Variants in GMDS observed in about 807,000 individuals in gnomAD.
GMDS encodes GDP-mannose 4,6 dehydratase.
A neutral mutation model predicts 49.9 loss-of-function variants in GMDS; 20 were observed. That is an observed-to-expected ratio of 0.40 (90% CI 0.28 to 0.58). The LOEUF is 0.58. Ranked by LOEUF, GMDS falls within the 20% of genes least tolerant of loss-of-function variation. The pLI is 0.42. For synonymous variants in GMDS, 177 were observed against 178.6 expected (o/e 0.99, Z 0.07); for missense variants, 362 against 481.4 (o/e 0.75, Z 2.32).
chr6:1,794,251 C>T (rs191836817), intron 7 of GMDS, among the ~76,000 whole-genome samples: 11 of 152,080 alleles, frequency 7.2e-5, no homozygotes, highest in African/African-American at 2.4e-4. Context: ...ATCCCATTTA[C>T]GTATGTCTAC....
At chr6:2,027,977 T>C (rs1350948751) in intron 4 of GMDS, among the ~76,000 whole-genome samples, 2 of 152,148 alleles carry the variant, frequency 1.3e-5, no homozygotes, top group African/African-American at 2.4e-5. Context: ...TATAGTTCTT[T>C]GAACAAAGGT....
At chr6:1,629,297 C>T (rs1254614181) in intron 9 of GMDS, among the ~76,000 whole-genome samples, 1 of 152,208 alleles carries the variant, frequency 6.6e-6, no homozygotes, top group Admixed American at 6.5e-5. Flanking sequence ...CGGTAATGAA[C>T]ATTTCCCCTC....
chr6:1,850,585 G>T (rs1007061651), intron 7 of GMDS, among the ~76,000 whole-genome samples: 1 of 151,886 alleles, frequency 6.6e-6, no homozygotes, highest in Non-Finnish European at 1.5e-5. Flanking sequence ...AGAAACATGA[G>T]ATTAAAAAAA....
chr6:1,756,465 TTTCAC>T (rs1286772871), intron 7 of GMDS, among the ~76,000 whole-genome samples: 60 of 152,294 alleles, frequency 3.9e-4, no homozygotes, highest in African/African-American at 1.4e-3. Flanking sequence ...GGAGAGAGGG[TTTCAC>T]CATGTTGGTC....
At chr6:1,629,998 A>G (rs1762951830) in intron 9 of GMDS, among the ~76,000 whole-genome samples, 1 of 152,206 alleles carries the variant, frequency 6.6e-6, no homozygotes, top group African/African-American at 2.4e-5. Flanking sequence ...AAAAAAAGTT[A>G]CAGGTGTTCA....
chr6:1,933,102 T>C (rs1204909698), intron 6 of GMDS, among the ~76,000 whole-genome samples: 1 of 152,218 alleles, frequency 6.6e-6, no homozygotes, highest in Non-Finnish European at 1.5e-5. Context: ...TTGCCTATTC[T>C]GGACACTTCC....
intron 6 of GMDS, among the ~76,000 whole-genome samples, chr6:1,955,493 T>C (rs1227860899): frequency 6.6e-6 from 1 of 152,202 alleles, no homozygotes; most frequent in Non-Finnish European, 1.5e-5. Flanking sequence ...TTATTCTTAT[T>C]AATTTGTAGT....
intron 9 of GMDS, among the ~76,000 whole-genome samples, chr6:1,646,835 A>G (rs1056971961): frequency 6.6e-5 from 10 of 152,160 alleles, no homozygotes; most frequent in African/African-American, 2.4e-4. Context: ...AACTCCCTGA[A>G]GAGGAATTCA....
At chr6:1,971,970 C>T (rs1764636791) in intron 4 of GMDS, among the ~76,000 whole-genome samples, 1 of 152,174 alleles carries the variant, frequency 6.6e-6, no homozygotes, top group Non-Finnish European at 1.5e-5. Context: ...AGTCTGCCAG[C>T]TCTTCTGACT....
chr6:2,120,622 G>A (rs181962340), intron 2 of GMDS, among the ~76,000 whole-genome samples: 1 of 152,222 alleles, frequency 6.6e-6, no homozygotes, highest in Non-Finnish European at 1.5e-5. Flanking sequence ...CTTTTAAAGG[G>A]TTCAACATTG....
rs549435883 is a variant in GMDS at position 1,878,177 on chromosome 6, T to C, written c.771+51926A>G. On this transcript the variant is annotated intron_variant, in intron 7 of 10. Coordinates refer to ENST00000380815, the MANE Select transcript of GMDS (RefSeq NM_001500.4). The stretch of plus-strand genomic sequence containing the variant: ...AAATACACAAAAAATTAGCCAGGCG[T>C]GGTGGCGGGCACCTGTAGTCCCAGC... Among the ~76,000 whole-genome samples the C allele has an allele frequency of 4.8e-4, 73 of 151,994 alleles. 1 individual carries two copies. In the South Asian group the frequency reaches 0.015, roughly 30 times the overall value.
chr6:1,735,966 T>C (rs1425506899), intron 8 of GMDS, among the ~76,000 whole-genome samples: 3 of 152,216 alleles, frequency 2.0e-5, no homozygotes, highest in Non-Finnish European at 4.4e-5. Flanking sequence ...AACACATTTA[T>C]AGAGCACCTA....
At chr6:1,916,132 G>A (rs1390760750) in intron 7 of GMDS, among the ~76,000 whole-genome samples, 1 of 152,206 alleles carries the variant, frequency 6.6e-6, no homozygotes, top group Non-Finnish European at 1.5e-5. Flanking sequence ...TGGTTTTTAC[G>A]TAGTTTAGCC....
chr6:2,146,958 T>C (rs943040867), intron 1 of GMDS, among the ~76,000 whole-genome samples: 8 of 152,192 alleles, frequency 5.3e-5, no homozygotes, highest in African/African-American at 1.9e-4. Context: ...GAAAGTGATA[T>C]TATTCTTGGT....
intron 9 of GMDS, among the ~76,000 whole-genome samples, chr6:1,713,738 G>C (rs1035182196): frequency 6.6e-6 from 1 of 152,238 alleles, no homozygotes; most frequent in South Asian, 2.1e-4. Context: ...AGGAAAATCA[G>C]CAACTGTTTT....
intron 9 of GMDS, among the ~76,000 whole-genome samples, chr6:1,651,317 A>T (rs1404849903): frequency 6.6e-6 from 1 of 152,196 alleles, no homozygotes; most frequent in African/African-American, 2.4e-5. Context: ...GCAGCCTGGC[A>T]TGGCTCACTA....
intron 4 of GMDS, among the ~76,000 whole-genome samples, chr6:2,113,721 TCACCCC>T (rs1774685613): frequency 6.6e-6 from 1 of 152,034 alleles, no homozygotes; most frequent in Admixed American, 6.6e-5. Context: ...CTTGTGCCAA[TCACCCC>T]TCCTAGAGTT....
chr6:1,643,648 C>T lies in GMDS; in HGVS notation c.988-19108G>A, dbSNP rs543651176. Among the ~76,000 whole-genome samples the T allele has an allele frequency of 9.2e-5, 14 of 152,008 alleles. No individual in the cohort carries two copies. In the South Asian group the frequency reaches 1.5e-3, roughly 16 times the overall value. On this transcript the variant is annotated intron_variant, in intron 9 of 10. Transcript: ENST00000380815. Reference sequence around the variant, plus strand: ...GGTGGAGAGGTGACCACCTGGGCCACGGTGGGGGGGACACTGGGGACTGCT... The same window carrying T: ...GGTGGAGAGGTGACCACCTGGGCCATGGTGGGGGGGACACTGGGGACTGCT...
At chr6:2,122,952 G>A (rs1031006178) in intron 2 of GMDS, among the ~76,000 whole-genome samples, 4 of 152,032 alleles carry the variant, frequency 2.6e-5, no homozygotes, top group African/African-American at 9.7e-5. Flanking sequence ...TTGTCTTTTT[G>A]TGTCATAATA....
Sources: allele counts gnomAD v4.1 joint callset (sites outside exome capture counted in the v4.1 genomes callset), GRCh38; gene constraint gnomAD v4.1.1; transcripts MANE v1.5; gene names NCBI Gene and HGNC (gene_info 2026-07-23, HGNC 2026-07-21).